OASL: variants seen among roughly 807,000 people sequenced by gnomAD.
OASL encodes the protein 2'-5'-oligoadenylate synthetase like.
A neutral mutation model predicts 35.3 loss-of-function variants in OASL; 28 were observed. The observed-to-expected ratio is 0.79, with a 90% CI of 0.59 to 1.09. The LOEUF is 1.09. Ranked by LOEUF, OASL falls within the 50% of genes least tolerant of loss-of-function variation. The pLI, the probability that OASL is intolerant of heterozygous loss-of-function variation, is 0.00. For missense variants in OASL, 620 were observed against 635.2 expected (o/e 0.98, Z 0.26); for synonymous variants, 252 against 254.6 (o/e 0.99, Z 0.10).
exon 6 of OASL, chr12:121,019,590 C>T (rs1353082907): frequency 1.3e-5 from 2 of 152,130 alleles, no homozygotes; most frequent in African/African-American, 4.8e-5. Context: ...TCAGTTTCCC[C>T]AGTCCTCATT....
chr12:121,025,459 T>C (rs1869440199), intron 4 of OASL, among the ~76,000 whole-genome samples: 1 of 152,202 alleles, frequency 6.6e-6, no homozygotes, highest in Admixed American at 6.5e-5. Context: ...TGACTGCAAG[T>C]CCATGATTAA....
intron 5 of OASL, among the ~76,000 whole-genome samples, chr12:121,022,278 G>A (rs1271836789): frequency 6.6e-6 from 1 of 152,018 alleles, no homozygotes; most frequent in East Asian, 1.9e-4. Context: ...GTAGAGATGA[G>A]GTTTTACCAT....
downstream of OASL, chr12:121,019,006 G>A (rs1869135168): frequency 6.5e-6 from 1 of 152,802 alleles, no homozygotes; most frequent in Admixed American, 6.6e-5. Flanking sequence ...CCAGTGTCTT[G>A]ACTTGGACTT....
intron 4 of OASL, among the ~76,000 whole-genome samples, chr12:121,026,228 C>T (rs539126017): frequency 3.3e-5 from 5 of 152,264 alleles, no homozygotes; most frequent in South Asian, 2.1e-4. Context: ...GATGCTTTCT[C>T]GATTTTTCTG....
intron 5 of OASL, 73 bp downstream of exon 5, chr12:121,023,913 CTGAA>C: frequency 6.5e-7 from 1 of 1,549,738 alleles, no homozygotes. Context: ...CAACACAGAA[CTGAA>C]TGAGTAAATA....
chr12:121,024,154 G>A lies in OASL; in HGVS notation c.900-17C>T. 1 of 1,612,304 alleles carries A rather than the reference G, an allele frequency of 6.2e-7. No homozygotes were observed. The highest frequency in any genetic ancestry group is 1.1e-5 in the South Asian group (1 of 91,032). ...ATGATGGGCCTGTAACACAGGAAAA[G>A]GGTGCCCAGGCTCATAATGGTTTGA... On this transcript the variant is annotated splice_polypyrimidine_tract_variant and intron_variant, in intron 4 of 5. Coordinates refer to ENST00000257570, the Ensembl canonical transcript of OASL.
chr12:121,036,614 T>G (rs1334869547), intron 1 of OASL, among the ~76,000 whole-genome samples: 1 of 152,108 alleles, frequency 6.6e-6, no homozygotes, highest in Non-Finnish European at 1.5e-5. Flanking sequence ...TGGAACCCCG[T>G]CTCTACTAAA....
intron 4 of OASL, 41 bp from the exon 5 acceptor site, chr12:121,024,178 G>A: frequency 6.3e-7 from 1 of 1,597,806 alleles, no homozygotes; most frequent in Non-Finnish European, 8.5e-7. Flanking sequence ...ATAATGGTTT[G>A]AAGGCCTTCA....
At chr12:121,025,023 G>A (rs1869423339) in intron 4 of OASL, among the ~76,000 whole-genome samples, 2 of 135,850 alleles carry the variant, frequency 1.5e-5, no homozygotes, top group African/African-American at 5.6e-5. Context: ...CTGTCGCCCA[G>A]GCTGAAGGGC....
chr12:121,031,448 G>C lies in OASL; in HGVS notation c.651C>G (p.Tyr217Ter), dbSNP rs200277354. 1.2e-6 allele frequency: 2 copies of C among 1,613,054 alleles called. No homozygotes were observed. The highest frequency in any genetic ancestry group is 1.7e-6 in the Non-Finnish European group (2 of 1,179,856). Reference sequence around the variant, plus strand: ...ATCCTGGCAGCCCCCTCACCTGCTGGTACCAGTGTTTCACCAGGCGCAGGA... The same window carrying C: ...ATCCTGGCAGCCCCCTCACCTGCTGCTACCAGTGTTTCACCAGGCGCAGGA... Residue 217 changes from tyrosine to a stop codon, truncating the protein, a stop_gained, in exon 3 of 6, where the codon TAC becomes TAG. Coordinates refer to ENST00000257570, the Ensembl canonical transcript of OASL. LOFTEE classifies it high-confidence loss of function.
chr12:121,026,420 T>C (rs1869484039), intron 4 of OASL, among the ~76,000 whole-genome samples: 1 of 152,254 alleles, frequency 6.6e-6, no homozygotes, highest in Middle Eastern at 3.4e-3. Context: ...AGATAAGGAT[T>C]TGGCTTATTT....
chr12:121,038,815 G>A (rs775541674), exon 1 of OASL: 16 of 1,613,914 alleles, frequency 9.9e-6, no homozygotes, highest in South Asian at 5.5e-5. Flanking sequence ...TCCAGCCCAC[G>A]CTTCCCCTGG....
intron 4 of OASL, among the ~76,000 whole-genome samples, chr12:121,025,166 T>A (rs1592933503): frequency 6.6e-6 from 1 of 151,740 alleles, no homozygotes; most frequent in African/African-American, 2.4e-5. Context: ...TTAGTAGAGA[T>A]GGGGTTTCAC....
chr12:121,020,958 A>C (rs928584029), exon 6 of OASL: 8 of 1,613,918 alleles, frequency 5.0e-6, no homozygotes, highest in Middle Eastern at 1.6e-4. Flanking sequence ...GGTCCTCCGG[A>C]TTTTCTCTTT....
chr12:121,038,279 G>C (rs181505996), intron 1 of OASL, among the ~76,000 whole-genome samples: 1 of 152,102 alleles, frequency 6.6e-6, no homozygotes, highest in Admixed American at 6.6e-5. Flanking sequence ...TTCAGTGTTC[G>C]TGTCCAAACA....
At chr12:121,030,707 C>T (rs527757302) in intron 3 of OASL, among the ~76,000 whole-genome samples, 1 of 152,308 alleles carries the variant, frequency 6.6e-6, no homozygotes. Context: ...TACACTCACA[C>T]ATGCCCTCTT....
exon 6 of OASL, chr12:121,020,450 TA>T: frequency 8.4e-7 from 1 of 1,184,428 alleles, no homozygotes; most frequent in Non-Finnish European, 1.2e-6. Flanking sequence ...TAACTCATTG[TA>T]AAACTGGTGA....
At chr12:121,020,656 G>T (rs765111763) in exon 6 of OASL, 3 of 1,614,204 alleles carry the variant, frequency 1.9e-6, no homozygotes, top group East Asian at 4.5e-5. Context: ...AACCAGTCCT[G>T]CAGGACTTGG....
intron 4 of OASL, 115 bp from the exon 5 acceptor site, chr12:121,024,252 C>A: frequency 8.7e-7 from 1 of 1,146,428 alleles, no homozygotes; most frequent in Non-Finnish European, 1.2e-6. Context: ...ATATCCACAT[C>A]CCGGGGATGT....
Sources: gnomAD v4.1 joint callset for allele counts (sites outside exome capture counted in the v4.1 genomes callset) on GRCh38, gnomAD v4.1.1 for gene constraint, MANE v1.5 for transcripts, NCBI Gene and HGNC (gene_info 2026-07-23, HGNC 2026-07-21) for gene names.